SUGCT: variants seen among roughly 807,000 people sequenced by gnomAD.
The protein encoded by SUGCT is succinyl-CoA:glutarate CoA-transferase.
Under a neutral mutation model 55.0 loss-of-function variants are expected in SUGCT, and 41 were observed. The observed-to-expected ratio is 0.74, with a 90% confidence interval of 0.58 to 0.97. The LOEUF is 0.97. Ranked by LOEUF, SUGCT falls within the 50% of genes least tolerant of loss-of-function variation. SUGCT has a pLI of 0.00. For synonymous variants in SUGCT, 187 were observed against 200.4 expected (o/e 0.93, Z 0.56); for missense variants, 568 against 547.8 (o/e 1.04, Z -0.37).
intron 11 of SUGCT, among the ~76,000 whole-genome samples, chr7:40,460,188 A>G (rs984984941): frequency 3.3e-5 from 5 of 152,006 alleles, no homozygotes; most frequent in African/African-American, 1.2e-4. Flanking sequence ...TCATCTATCT[A>G]TTTTTCCTGG....
Position 40,471,000 on chromosome 7 carries a change from A to G in SUGCT, c.986+11802A>G, listed in dbSNP as rs778553973. 2.0e-5 allele frequency among the ~76,000 whole-genome samples: 3 copies of G among 152,306 alleles called. No homozygotes were observed. In the East Asian group the frequency reaches 5.8e-4, roughly 29 times the overall value. On this transcript the variant is annotated intron_variant, in intron 11 of 13. Coordinates refer to ENST00000335693, the MANE Select transcript of SUGCT (RefSeq NM_001193313.2). ...ACTCTGTTCAATTTAATGAACGGAA[A>G]CAAAAAAGGAACATCAAAATGCTGG...
At chr7:40,708,221 TGG>T (rs1435451922) in intron 12 of SUGCT, among the ~76,000 whole-genome samples, 4 of 152,160 alleles carry the variant, frequency 2.6e-5, no homozygotes, top group Non-Finnish European at 4.4e-5. Flanking sequence ...AAACACTTCC[TGG>T]GTACTCTGTG....
At chr7:40,865,546 T>C (rs1584557119), downstream of SUGCT, among the ~76,000 whole-genome samples, 1 of 152,176 alleles carries the variant, frequency 6.6e-6, no homozygotes, top group Non-Finnish European at 1.5e-5. Flanking sequence ...TAAAATAGAA[T>C]GCAGAGCAGA....
chr7:40,663,144 A>C (rs1254070348), intron 12 of SUGCT, among the ~76,000 whole-genome samples: 1 of 152,214 alleles, frequency 6.6e-6, no homozygotes, highest in East Asian at 1.9e-4. Flanking sequence ...TTTTATCTTC[A>C]TACTGCAATG....
intron 1 of SUGCT, among the ~76,000 whole-genome samples, chr7:40,139,494 G>A (rs1299190595): frequency 6.6e-6 from 1 of 152,174 alleles, no homozygotes; most frequent in Non-Finnish European, 1.5e-5. Flanking sequence ...CACTGTGCCC[G>A]GCTGATGGTG....
intron 9 of SUGCT, among the ~76,000 whole-genome samples, chr7:40,397,503 T>C (rs565601978): frequency 6.6e-6 from 1 of 152,286 alleles, no homozygotes; most frequent in African/African-American, 2.4e-5. Flanking sequence ...CTCTTGAAAG[T>C]TAATGCTCCT....
intron 12 of SUGCT, among the ~76,000 whole-genome samples, chr7:40,602,737 T>A (rs1355093988): frequency 6.6e-6 from 1 of 152,202 alleles, no homozygotes; most frequent in Non-Finnish European, 1.5e-5. Flanking sequence ...ACTGTTTCCT[T>A]CCCTTCTGGG....
At chr7:40,793,853 G>T (rs937734383) in intron 13 of SUGCT, among the ~76,000 whole-genome samples, 27 of 151,848 alleles carry the variant, frequency 1.8e-4, no homozygotes, top group Admixed American at 3.9e-4. Flanking sequence ...AGTTCTGTTT[G>T]GCAGTTCACT....
intron 12 of SUGCT, among the ~76,000 whole-genome samples, chr7:40,706,124 A>G (rs1049721774): frequency 5.3e-5 from 8 of 152,098 alleles, no homozygotes; most frequent in African/African-American, 1.4e-4. Flanking sequence ...CCTTTATTCT[A>G]TGGTACATAT....
rs569450285 is a variant in SUGCT, at chr7:40,364,720, C to T, written c.816+47865C>T. ...GATGGGCTTCCCTTTGTGGGTAACC[C>T]GACCTTTAAAATAGACCAATAACAG... On this transcript the variant is annotated intron_variant, in intron 9 of 13. Coordinates refer to ENST00000335693, the MANE Select transcript of SUGCT (RefSeq NM_001193313.2). 3.3e-5 allele frequency among the ~76,000 whole-genome samples: 5 copies of T among 152,108 alleles called. No homozygotes were observed. In the South Asian group the frequency reaches 6.2e-4, roughly 19 times the overall value.
chr7:40,632,153 C>T (rs887969236), intron 12 of SUGCT, among the ~76,000 whole-genome samples: 1 of 152,100 alleles, frequency 6.6e-6, no homozygotes, highest in Non-Finnish European at 1.5e-5. Context: ...CACAGGTGGA[C>T]CCTCAGGATG....
At chr7:40,539,761 C>G (rs1794570774) in intron 12 of SUGCT, 1 of 152,124 alleles carries the variant, frequency 6.6e-6, no homozygotes, top group African/African-American at 2.4e-5. Flanking sequence ...CATTTTATCC[C>G]TAGAAAAATG....
intron 12 of SUGCT, among the ~76,000 whole-genome samples, chr7:40,612,868 C>G (rs1163874189): frequency 6.6e-6 from 1 of 152,074 alleles, no homozygotes; most frequent in Non-Finnish European, 1.5e-5. Context: ...TGCGGTGGCT[C>G]ATGCCTGTAA....
chr7:40,575,943 CAAA>C (rs766046012), intron 12 of SUGCT, among the ~76,000 whole-genome samples: 7 of 69,716 alleles, frequency 1.0e-4, no homozygotes, highest in Admixed American at 1.5e-4. Flanking sequence ...GACACTGTCT[CAAA>C]AAAAAAAAAA....
chr7:40,857,688 A>G (rs1207728334), intron 13 of SUGCT, among the ~76,000 whole-genome samples: 1 of 152,136 alleles, frequency 6.6e-6, no homozygotes, highest in Admixed American at 6.5e-5. Context: ...TGATATGCAC[A>G]ATATGGATGA....
chr7:40,557,287 A>G (rs1795602703), intron 12 of SUGCT, among the ~76,000 whole-genome samples: 1 of 152,198 alleles, frequency 6.6e-6, no homozygotes, highest in Non-Finnish European at 1.5e-5. Flanking sequence ...CTGGATCTCC[A>G]CATGCAAAAG....
chr7:41,005,948 C>T, the SUGCT span, among the ~76,000 whole-genome samples: 24 of 152,150 alleles, frequency 1.6e-4, no homozygotes, highest in Non-Finnish European at 2.5e-4. Flanking sequence ...TCACAACATT[C>T]CCAAACAAAA....
chr7:40,426,163 G>A (rs1787575973), intron 9 of SUGCT, among the ~76,000 whole-genome samples: 1 of 152,124 alleles, frequency 6.6e-6, no homozygotes, highest in Non-Finnish European at 1.5e-5. Context: ...GGTATTCAGA[G>A]TCCAAGCTCA....
At chr7:40,502,368 A>G (rs963094284) in intron 12 of SUGCT, among the ~76,000 whole-genome samples, 4 of 152,206 alleles carry the variant, frequency 2.6e-5, no homozygotes, top group African/African-American at 9.6e-5. Flanking sequence ...ACCCAGAATA[A>G]AGAGTAATTA....
Sources: allele counts gnomAD v4.1 joint callset (sites outside exome capture counted in the v4.1 genomes callset), GRCh38; gene constraint gnomAD v4.1.1; transcripts MANE v1.5; gene names NCBI Gene and HGNC (gene_info 2026-07-23, HGNC 2026-07-21).